CDKAL1: variants seen among roughly 807,000 people sequenced by gnomAD.
The protein encoded by CDKAL1 is CDKAL1 threonylcarbamoyladenosine tRNA methylthiotransferase.
A neutral mutation model predicts 68.2 loss-of-function variants in CDKAL1; 32 were observed. That is an observed-to-expected ratio of 0.47 (90% CI 0.35 to 0.63). The LOEUF (loss-of-function observed/expected upper bound fraction) is 0.63. Among genes scored for constraint, CDKAL1 ranks in the 30% least tolerant of loss-of-function variants. The pLI, the probability that CDKAL1 is intolerant of heterozygous loss-of-function variation, is 0.00. For synonymous variants in CDKAL1, 234 were observed against 244.3 expected (o/e 0.96, Z 0.39); for missense variants, 606 against 696.7 (o/e 0.87, Z 1.47).
intron 8 of CDKAL1, among the ~76,000 whole-genome samples, chr6:20,820,754 TTTATTG>T (rs2150441072): frequency 6.6e-6 from 1 of 152,148 alleles, no homozygotes; most frequent in Admixed American, 6.5e-5. Flanking sequence ...TTCAAAAATG[TTTATTG>T]AGGGCCTACT....
intron 12 of CDKAL1, among the ~76,000 whole-genome samples, chr6:21,088,920 C>T (rs1270455495): frequency 3.3e-5 from 5 of 152,086 alleles, no homozygotes; most frequent in African/African-American, 1.2e-4. Context: ...CCTGCCTGGG[C>T]AACAGAGCAA....
chr6:21,032,492 T>C (rs1476551179), intron 11 of CDKAL1, among the ~76,000 whole-genome samples: 1 of 152,214 alleles, frequency 6.6e-6, no homozygotes, highest in Non-Finnish European at 1.5e-5. Flanking sequence ...CTGATTATAA[T>C]ACCTATTCTT....
intron 5 of CDKAL1, among the ~76,000 whole-genome samples, chr6:20,689,070 C>A (rs1243220213): frequency 6.6e-6 from 1 of 152,180 alleles, no homozygotes; most frequent in African/African-American, 2.4e-5. Flanking sequence ...TCTGGTGACA[C>A]CCCAGCAGGT....
rs149982774 is a variant in CDKAL1, at chr6:20,581,060, A to G, written c.286+32355A>G. On this transcript the variant is annotated intron_variant, in intron 4 of 15. Transcript: ENST00000274695. ...CACCTTGGCCTCCCAAAGTGCTGGG[A>G]TAACAGGCGTGATACTTTTAATTTT... is the stretch of plus-strand genomic sequence containing the variant. 6.9e-3 allele frequency among the ~76,000 whole-genome samples: 1,053 copies of G among 152,306 alleles called. 10 individuals carry two copies. Among genetic ancestry groups the G allele is most frequent in the African/African-American group, 0.024 (1,000 of 41,562 alleles).
In CDKAL1 at chr6:20,847,095, G is replaced by A. The variant is rs554423668; in HGVS notation, c.742+917G>A. On this transcript the variant is annotated intron_variant, in intron 9 of 15. Transcript: ENST00000274695. ...ACTTTTAGAAACATGAATTTGTAAT[G>A]TTTCTCTTAATAGAGAAAAATATCT... 1.8e-4 allele frequency among the ~76,000 whole-genome samples: 28 copies of A among 152,238 alleles called. No individual in the cohort carries two copies. The East Asian group carries it at 5.2e-3, about 28-fold the overall frequency.
intron 11 of CDKAL1, among the ~76,000 whole-genome samples, chr6:21,050,047 T>TAAA (rs930698144): frequency 2.6e-5 from 4 of 152,204 alleles, no homozygotes; most frequent in African/African-American, 9.6e-5. Flanking sequence ...TTTAAAAAGG[T>TAAA]AAAATTGTAC....
intron 4 of CDKAL1, among the ~76,000 whole-genome samples, chr6:20,557,199 A>G (rs1419802993): frequency 6.6e-6 from 1 of 152,070 alleles, no homozygotes; most frequent in Admixed American, 6.5e-5. Context: ...TATATATTGA[A>G]TAGAACTTTT....
intron 11 of CDKAL1, among the ~76,000 whole-genome samples, chr6:21,052,389 C>T (rs903229160): frequency 2.6e-5 from 4 of 152,084 alleles, no homozygotes; most frequent in African/African-American, 4.8e-5. Context: ...AGCCCTGTCA[C>T]CCAGGCTGAA....
At chr6:20,963,881 A>C (rs186876150) in intron 10 of CDKAL1, among the ~76,000 whole-genome samples, 12 of 152,312 alleles carry the variant, frequency 7.9e-5, no homozygotes, top group African/African-American at 2.9e-4. Flanking sequence ...TAAACAGCCA[A>C]ATCATTCATG....
chr6:21,149,805 C>T (rs1776326294), intron 13 of CDKAL1, among the ~76,000 whole-genome samples: 2 of 152,132 alleles, frequency 1.3e-5, no homozygotes, highest in South Asian at 2.1e-4. Context: ...TTGAGTAATT[C>T]GGGAATTCCA....
At chr6:20,946,692 G>C (rs937758619) in intron 9 of CDKAL1, among the ~76,000 whole-genome samples, 1 of 151,554 alleles carries the variant, frequency 6.6e-6, no homozygotes, top group Non-Finnish European at 1.5e-5. Flanking sequence ...CCACCTCCCG[G>C]GTTCAAGTGA....
At chr6:20,573,545 A>T (rs772416199) in intron 4 of CDKAL1, among the ~76,000 whole-genome samples, 1 of 152,174 alleles carries the variant, frequency 6.6e-6, no homozygotes, top group Non-Finnish European at 1.5e-5. Flanking sequence ...ATTAAAGTAG[A>T]TGCCATACTT....
chr6:20,697,768 A>G (rs1771167308), intron 5 of CDKAL1, among the ~76,000 whole-genome samples: 2 of 152,214 alleles, frequency 1.3e-5, no homozygotes, highest in African/African-American at 2.4e-5. Context: ...CTGCCAAACA[A>G]GTTTCAGACG....
chr6:20,821,318 A>G (rs1777270223), intron 8 of CDKAL1, among the ~76,000 whole-genome samples: 1 of 152,114 alleles, frequency 6.6e-6, no homozygotes, highest in South Asian at 2.1e-4. Context: ...GTGATAGTCT[A>G]GATGAGACAT....
At chr6:20,910,883 G>A (rs112802646) in intron 9 of CDKAL1, among the ~76,000 whole-genome samples, 5 of 152,316 alleles carry the variant, frequency 3.3e-5, no homozygotes, top group African/African-American at 1.2e-4. Context: ...TGATCAAGGT[G>A]ATGCTTCTAC....
chr6:20,751,541 T>G (rs1773925430), intron 6 of CDKAL1, among the ~76,000 whole-genome samples: 1 of 152,228 alleles, frequency 6.6e-6, no homozygotes, highest in Non-Finnish European at 1.5e-5. Context: ...CTGCTCTGAG[T>G]GATTAGGATA....
Position 21,230,954 on chromosome 6 carries a change from T to C in CDKAL1, c.1655T>C (p.Leu552Pro). ...SSRMVLPMPR[L>P]HQDCALRMSV... Reference sequence around the variant, plus strand: ...AGAATGGTGCTGCCCATGCCAAGGCTACATCAAGACTGTGCGCTGAGGATG... The same window carrying C: ...AGAATGGTGCTGCCCATGCCAAGGCCACATCAAGACTGTGCGCTGAGGATG... Residue 552 changes from leucine (L) to proline (P), a missense_variant, in exon 16 of 16, where the codon CTA (leucine) becomes CCA (proline). Transcript: ENST00000274695. 6.2e-7 allele frequency: 1 copy of C among 1,614,168 alleles called. No individual in the cohort carries two copies. The highest frequency in any genetic ancestry group is 8.5e-7 in the Non-Finnish European group (1 of 1,179,984).
At chr6:21,209,885 C>T (rs1217761756) in intron 15 of CDKAL1, among the ~76,000 whole-genome samples, 2 of 152,176 alleles carry the variant, frequency 1.3e-5, no homozygotes. Context: ...AACCACTCTT[C>T]CACACTCACA....
In CDKAL1 at chr6:21,216,234, G is replaced by A. The variant is rs151204350; in HGVS notation, c.1549-14614G>A. ...ATGCAGTTTATGGTAATTTGTTACC[G>A]CAGCAATTGGAAACTAATTGGGAAC... On this transcript the variant is annotated intron_variant, in intron 15 of 15. Transcript: ENST00000274695. Among the ~76,000 whole-genome samples, 602 of 152,230 alleles carry A rather than the reference G, an allele frequency of 4.0e-3. 20 individuals are homozygous for A. The highest frequency in any genetic ancestry group is 0.034 in the Admixed American group (516 of 15,290).
Sources: allele counts gnomAD v4.1 joint callset (sites outside exome capture counted in the v4.1 genomes callset), GRCh38; gene constraint gnomAD v4.1.1; transcripts MANE v1.5; gene names NCBI Gene and HGNC (gene_info 2026-07-23, HGNC 2026-07-21).